The following SLC20A2 variants were observed in gnomAD, a reference collection of about 807,000 sequenced individuals.
SLC20A2 encodes the protein sodium-dependent phosphate transporter 2.
Under a neutral mutation model 61.0 loss-of-function variants are expected in SLC20A2, and 30 were observed. The observed-to-expected ratio is 0.49, with a 90% CI of 0.37 to 0.67. SLC20A2 has a LOEUF of 0.67. Among genes scored for constraint, SLC20A2 ranks in the 30% least tolerant of loss-of-function variants. The probability of loss-of-function intolerance (pLI) is 0.00; values close to 1 mark genes in which losing one functional copy is unlikely to be tolerated. For synonymous variants in SLC20A2, 351 were observed against 353.3 expected, an observed-to-expected ratio of 0.99 and a Z score of 0.07; for missense variants, 626 against 866.4, an observed-to-expected ratio of 0.72 and a Z score of 3.48.
chr8:42,508,127 G>A (rs1382597896), intron 1 of SLC20A2, among the ~76,000 whole-genome samples: 1 of 151,994 alleles, frequency 6.6e-6, no homozygotes, highest in African/African-American at 2.4e-5. Flanking sequence ...TCGTGCCACT[G>A]CACTCCACCC....
intron 5 of SLC20A2, among the ~76,000 whole-genome samples, chr8:42,457,942 T>C (rs1023500478): frequency 3.9e-5 from 6 of 152,210 alleles, no homozygotes; most frequent in African/African-American, 1.2e-4. Flanking sequence ...GAACATTACA[T>C]TGAGAACTCC....
intron 1 of SLC20A2, among the ~76,000 whole-genome samples, chr8:42,511,524 G>C (rs1811031804): frequency 6.6e-6 from 1 of 152,026 alleles, no homozygotes. Flanking sequence ...CTACTCGGGA[G>C]GCTGAGGAAG....
At chr8:42,424,664 T>C (rs1803276706) in intron 10 of SLC20A2, among the ~76,000 whole-genome samples, 2 of 152,234 alleles carry the variant, frequency 1.3e-5, no homozygotes, top group Admixed American at 1.3e-4. Context: ...TCCTAATTGT[T>C]TTTTCCCAAG....
intron 1 of SLC20A2, among the ~76,000 whole-genome samples, chr8:42,500,234 A>G (rs1271605825): frequency 1.3e-5 from 2 of 152,240 alleles, no homozygotes; most frequent in African/African-American, 4.8e-5. Flanking sequence ...CTCTGCTGTA[A>G]GCAAACTGTT....
At chr8:42,447,327 C>G (rs1586057955) in intron 5 of SLC20A2, among the ~76,000 whole-genome samples, 1 of 146,882 alleles carries the variant, frequency 6.8e-6, no homozygotes, top group African/African-American at 2.5e-5. Context: ...GCCTGGGCAA[C>G]AGAGTGAGAT....
In SLC20A2 at chr8:42,525,606, G is replaced by T. The variant is rs373180733; in HGVS notation, c.-265+16215C>A. Among the ~76,000 whole-genome samples the T allele has an allele frequency of 5.8e-5, 6 of 104,260 alleles. No homozygotes were observed. In the East Asian group the frequency reaches 1.4e-3, roughly 24 times the overall value. The allele number at this position is 104,260 out of a possible 152,430, so 68.4% of individuals were successfully genotyped here. A position where few individuals can be genotyped will look rare whatever the true frequency, so the allele number is the denominator to read the frequency against. Reference sequence around the variant, plus strand: ...CAAAAAAAAAAAAAAAAAAAAAAAAGAAAGTAAAATGGGCAGACCTTTCTG... The same window carrying T: ...CAAAAAAAAAAAAAAAAAAAAAAAATAAAGTAAAATGGGCAGACCTTTCTG... On this transcript the variant is annotated intron_variant, in intron 1 of 10. Transcript: ENST00000342228.
At chr8:42,462,499 AT>A (rs890657921) in intron 4 of SLC20A2, among the ~76,000 whole-genome samples, 3 of 151,216 alleles carry the variant, frequency 2.0e-5, no homozygotes, top group East Asian at 1.9e-4. Flanking sequence ...GTAAGCACTA[AT>A]TTTTTTTTAG....
chr8:42,447,663 C>T (rs1029419253), intron 5 of SLC20A2, among the ~76,000 whole-genome samples: 3 of 151,928 alleles, frequency 2.0e-5, no homozygotes, highest in Non-Finnish European at 2.9e-5. Context: ...GGCGACAGAG[C>T]GAGATTCTAT....
At chr8:42,471,174 C>G (rs1162761011) in intron 2 of SLC20A2, 1 of 456,210 alleles carries the variant, frequency 2.2e-6, no homozygotes, top group Non-Finnish European at 4.4e-6. Context: ...CCGTATACAT[C>G]AGCTGTCTGT....
At chr8:42,519,611 T>C (rs1283754743) in intron 1 of SLC20A2, among the ~76,000 whole-genome samples, 1 of 152,214 alleles carries the variant, frequency 6.6e-6, no homozygotes, top group Admixed American at 6.5e-5. Flanking sequence ...TTTCCTTCTC[T>C]TTTTCTAACT....
At chr8:42,516,742 T>A (rs570974635) in intron 1 of SLC20A2, among the ~76,000 whole-genome samples, 1 of 152,194 alleles carries the variant, frequency 6.6e-6, no homozygotes, top group African/African-American at 2.4e-5. Flanking sequence ...CCTTTCTCCA[T>A]CCACCACTAG....
intron 1 of SLC20A2, among the ~76,000 whole-genome samples, chr8:42,529,915 T>C (rs964714946): frequency 1.2e-4 from 19 of 152,194 alleles, no homozygotes; most frequent in African/African-American, 4.3e-4. Context: ...ATAAGTGAAA[T>C]AACTTTTAAA....
chr8:42,444,798 A>G (rs1371402949), intron 5 of SLC20A2, 36 bp from the exon 6 acceptor site: 2 of 1,534,166 alleles, frequency 1.3e-6, no homozygotes, highest in South Asian at 2.2e-5. Context: ...TCATTACTGG[A>G]AACTTCTGCA....
At chr8:42,488,180 C>CTTTTTTTTTT (rs35200743) in intron 1 of SLC20A2, among the ~76,000 whole-genome samples, 2 of 87,014 alleles carry the variant, frequency 2.3e-5, no homozygotes, top group Non-Finnish European at 4.2e-5. Flanking sequence ...AATAATACTG[C>CTTTTTTTTTT]TTTTTTTTTT....
At chr8:42,541,347 A>C (rs1813131646) in intron 1 of SLC20A2, 3 of 142,194 alleles carry the variant, frequency 2.1e-5, no homozygotes, top group East Asian at 2.4e-4. Context: ...CCTGGCCCCC[A>C]CCCGCGGGAG....
chr8:42,509,363 G>C (rs1021109079), intron 1 of SLC20A2, among the ~76,000 whole-genome samples: 1 of 152,110 alleles, frequency 6.6e-6, no homozygotes, highest in African/African-American at 2.4e-5. Context: ...AAAGAACACA[G>C]GCTGTCCTTC....
At position 42,489,173 on chromosome 8, in the gene SLC20A2, G is replaced by A. The variant is rs190509665; in HGVS notation, c.-265+11858C>T. On this transcript the variant is annotated intron_variant, in intron 1 of 10. Transcript: ENST00000520262. ...AGGCTGGTCTCGAACTCCTGACTTCGGGTGATCCACCCGCTTCGGCCTCCC... is the reference window on the plus strand; with the variant it reads ...AGGCTGGTCTCGAACTCCTGACTTCAGGTGATCCACCCGCTTCGGCCTCCC... 8.5e-3 allele frequency among the ~76,000 whole-genome samples: 1,297 copies of A among 151,958 alleles called. 21 individuals carry two copies. Among genetic ancestry groups the A allele is most frequent in the African/African-American group, 0.029 (1,211 of 41,434 alleles).
intron 1 of SLC20A2, chr8:42,536,653 G>A (rs1431581303): frequency 6.6e-6 from 1 of 152,186 alleles, no homozygotes; most frequent in Non-Finnish European, 1.5e-5. Flanking sequence ...TATTCCAGGT[G>A]TGTCACCAAA....
intron 1 of SLC20A2, among the ~76,000 whole-genome samples, chr8:42,530,199 G>A (rs1215778852): frequency 6.6e-6 from 1 of 151,998 alleles, no homozygotes; most frequent in African/African-American, 2.4e-5. Flanking sequence ...ATATTTTAAA[G>A]AGCTGATAAT....
Sources: gnomAD v4.1 joint callset for allele counts (sites outside exome capture counted in the v4.1 genomes callset) on GRCh38, gnomAD v4.1.1 for gene constraint, MANE v1.5 for transcripts, NCBI Gene and HGNC (gene_info 2026-07-23, HGNC 2026-07-21) for gene names.